The following GTF3C5 variants were observed in gnomAD, a reference collection of about 807,000 sequenced individuals.
GTF3C5 encodes the protein general transcription factor IIIC subunit 5.
GTF3C5 carries 47 observed loss-of-function variants against 61.0 expected under a neutral mutation model. That is an observed-to-expected ratio of 0.77 (90% confidence interval 0.61 to 0.98). The LOEUF (loss-of-function observed/expected upper bound fraction) is 0.98. Among genes scored for constraint, GTF3C5 ranks in the 50% least tolerant of loss-of-function variants. The probability of loss-of-function intolerance (pLI) is 0.00; values close to 1 mark genes in which losing one functional copy is unlikely to be tolerated. For synonymous variants in GTF3C5, 295 were observed against 275.4 expected, an observed-to-expected ratio of 1.07 and a Z score of -0.71; for missense variants, 659 against 703.3, an observed-to-expected ratio of 0.94 and a Z score of 0.71.
At chr9:133,036,544 T>TA (rs1256557228) in intron 1 of GTF3C5, among the ~76,000 whole-genome samples, 1 of 152,138 alleles carries the variant, frequency 6.6e-6, no homozygotes, top group African/African-American at 2.4e-5. Flanking sequence ...TAAGTACCCC[T>TA]AAAGCTACCC....
In GTF3C5 at chr9:133,050,984, T is replaced by C. The variant is rs758334730; in HGVS notation, c.768+6T>C. The C allele has an allele frequency of 8.1e-5, 129 of 1,591,070 alleles. 1 individual carries two copies. In the South Asian group the frequency reaches 1.3e-3, roughly 16 times the overall value. ...TGGAGGAGGAGCTGAGGAAGGCAAG[T>C]CCTGCGCTGCGCCTGGCCCCGGTGG... On this transcript the variant is annotated splice_donor_region_variant and intron_variant, in intron 4 of 10. Coordinates refer to ENST00000372097, the MANE Select transcript of GTF3C5 (RefSeq NM_012087.4).
chr9:133,037,965 G>A lies in GTF3C5; in HGVS notation c.154-4122G>A, dbSNP rs184839270. Among the ~76,000 whole-genome samples, 426 of 152,292 alleles carry A rather than the reference G, an allele frequency of 2.8e-3. 2 individuals are homozygous for A. Among genetic ancestry groups the A allele is most frequent in the Non-Finnish European group, 5.1e-3 (344 of 68,026 alleles). ...GAGCACACGGAACAAAGGAGGAAAGGTTCCTGTGTCTTGTCCCACTGGCTG... is the reference window on the plus strand; with the variant it reads ...GAGCACACGGAACAAAGGAGGAAAGATTCCTGTGTCTTGTCCCACTGGCTG... On this transcript the variant is annotated intron_variant, in intron 1 of 10. Transcript: ENST00000372097.
chr9:133,039,630 C>T (rs1849980655), intron 1 of GTF3C5, among the ~76,000 whole-genome samples: 1 of 152,152 alleles, frequency 6.6e-6, no homozygotes, highest in South Asian at 2.1e-4. Flanking sequence ...GTCTCGAACT[C>T]CTGGGCTCAA....
At position 133,058,212 on chromosome 9, in the gene GTF3C5, G is replaced by C. The variant is rs1829997789; in HGVS notation, c.*232G>C. ...GGACATCCCCAAAGGGTATACCCTG[G>C]CTCTGCCACCCATGAACCAGCCCAG... On this transcript the variant is annotated 3_prime_UTR_variant, in exon 11 of 11. Coordinates refer to ENST00000372097, the MANE Select transcript of GTF3C5 (RefSeq NM_012087.4). 1 of 1,286,544 alleles carries C rather than the reference G, an allele frequency of 7.8e-7. No individual in the cohort carries two copies. Among genetic ancestry groups the C allele is most frequent in the Non-Finnish European group, 9.9e-7 (1 of 1,007,180 alleles). The allele number at this position is 1,286,544 out of a possible 1,614,324, so 79.7% of individuals were successfully genotyped here. A position where few individuals can be genotyped will look rare whatever the true frequency, so the allele number is the denominator to read the frequency against.
chr9:133,035,006 GT>G (rs1849827942), intron 1 of GTF3C5, among the ~76,000 whole-genome samples: 1 of 152,176 alleles, frequency 6.6e-6, no homozygotes, highest in African/African-American at 2.4e-5. Context: ...ATTTGGTTAA[GT>G]GACTCTTCAG....
rs773392068 is a variant in GTF3C5 at position 133,054,734 on chromosome 9, T to C, written c.1092T>C (p.His364=). The change falls in exon 8 of 11, where the codon CAT becomes CAC. Residue 364 remains histidine, a synonymous_variant. Coordinates refer to ENST00000372097, the MANE Select transcript of GTF3C5 (RefSeq NM_012087.4). ...CAGCCAGCCAGCTTGTCACCATGCA[T>C]GACCTGAAGCAGGGCCTGGGCCCGT... The part of the protein sequence containing the change: ...KKTSSQLVTM[H]DLKQGLGPSG... 1.3e-5 allele frequency: 21 copies of C among 1,578,424 alleles called. No individual in the cohort carries two copies. The highest frequency in any genetic ancestry group is 1.8e-5 in the Non-Finnish European group (21 of 1,162,174).
chr9:133,038,992 C>T (rs919383054), intron 1 of GTF3C5, among the ~76,000 whole-genome samples: 5 of 152,194 alleles, frequency 3.3e-5, no homozygotes, highest in African/African-American at 1.2e-4. Flanking sequence ...CTGCCACGTA[C>T]GGCTCTAGGT....
At chr9:133,034,561 T>C (rs1237585750) in intron 1 of GTF3C5, among the ~76,000 whole-genome samples, 1 of 152,202 alleles carries the variant, frequency 6.6e-6, no homozygotes, top group East Asian at 1.9e-4. Flanking sequence ...CATTTTTCCC[T>C]GTCTGTGGAC....
intron 1 of GTF3C5, among the ~76,000 whole-genome samples, chr9:133,032,404 AG>A: frequency 6.6e-6 from 1 of 152,262 alleles, no homozygotes; most frequent in East Asian, 1.9e-4. Context: ...TTCGGCGGGA[AG>A]GGCAGTTAAA....
rs1481511616 is a variant in GTF3C5 at position 133,056,038 on chromosome 9, G to A, written c.1194G>A (p.Gly398=). ...ACTCTGTCTACATCTTCCGGGAAGG[G>A]GCCTTGCCACCCTATCGGCAGATGT... ...LKDSVYIFRE[G]ALPPYRQMFY... The change falls in exon 9 of 11, where the codon GGG becomes GGA. Residue 398 remains glycine, a synonymous_variant. Coordinates refer to ENST00000372097, the MANE Select transcript of GTF3C5 (RefSeq NM_012087.4). The A allele has an allele frequency of 6.2e-7, 1 of 1,614,010 alleles. No homozygotes were observed. The highest frequency in any genetic ancestry group is 1.7e-5 in the Admixed American group (1 of 60,004).
chr9:133,048,581 A>G (rs575401439), intron 3 of GTF3C5, among the ~76,000 whole-genome samples: 2 of 152,336 alleles, frequency 1.3e-5, no homozygotes, highest in Non-Finnish European at 2.9e-5. Context: ...AGGCAGGAGA[A>G]TCGCTTGAAC....
chr9:133,057,552 C>T (rs983924807), intron 10 of GTF3C5, among the ~76,000 whole-genome samples: 3 of 152,160 alleles, frequency 2.0e-5, no homozygotes, highest in African/African-American at 7.2e-5. Context: ...GACCCTTTCC[C>T]AGAGAAAATG....
chr9:133,042,309 A>G lies in GTF3C5; in HGVS notation c.373+3A>G. ...CTCCACCATTTACAAATTTCAGGGTAACTGAAATCTGCTCTTGCAATGTCT... is the reference window on the plus strand; with the variant it reads ...CTCCACCATTTACAAATTTCAGGGTGACTGAAATCTGCTCTTGCAATGTCT... On this transcript the variant is annotated splice_donor_region_variant and intron_variant, in intron 2 of 10. Transcript: ENST00000372097. 2 of 1,560,636 alleles carry G rather than the reference A, an allele frequency of 1.3e-6. No individual in the cohort carries two copies. Among genetic ancestry groups the G allele is most frequent in the Non-Finnish European group, 1.8e-6 (2 of 1,131,034 alleles).
Position 133,054,750 on chromosome 9 carries a change from C to G in GTF3C5, c.1108C>G (p.Leu370Val), listed in dbSNP as rs747275086. The G allele has an allele frequency of 2.5e-6, 4 of 1,584,574 alleles. No individual in the cohort carries two copies. The African/African-American group carries it at 5.4e-5, about 21-fold the overall frequency. Residue 370 changes from leucine (L) to valine (V), a missense_variant, in exon 8 of 11, where the codon CTG (leucine) becomes GTG (valine). Physicochemically the swap from Leu to Val is conservative, Grantham distance 32. Coordinates refer to ENST00000372097, the MANE Select transcript of GTF3C5 (RefSeq NM_012087.4). ...LVTMHDLKQG[L>V]GPSGTSGARK... Reference sequence around the variant, plus strand: ...CACCATGCATGACCTGAAGCAGGGCCTGGGCCCGTCGGGGACGAGTGGTGC... The same window carrying G: ...CACCATGCATGACCTGAAGCAGGGCGTGGGCCCGTCGGGGACGAGTGGTGC...
At chr9:133,036,075 T>C (rs1849852577) in intron 1 of GTF3C5, among the ~76,000 whole-genome samples, 2 of 152,172 alleles carry the variant, frequency 1.3e-5, no homozygotes, top group Admixed American at 1.3e-4. Flanking sequence ...GGCTTCCCCA[T>C]AGACTACTGA....
intron 1 of GTF3C5, among the ~76,000 whole-genome samples, chr9:133,031,994 AAG>A: frequency 6.6e-6 from 1 of 152,244 alleles, no homozygotes. Flanking sequence ...ATGGAGAACA[AAG>A]AACAGGGAAG....
intron 4 of GTF3C5, among the ~76,000 whole-genome samples, chr9:133,051,681 TG>T (rs1434560427): frequency 2.0e-5 from 3 of 152,184 alleles, no homozygotes; most frequent in African/African-American, 7.2e-5. Context: ...CCTTCAGCCC[TG>T]ACGATGTCCC....
In GTF3C5 at chr9:133,042,200, G is replaced by T; in HGVS notation, c.267G>T (p.Arg89Ser). 1 of 1,613,998 alleles carries T rather than the reference G, an allele frequency of 6.2e-7. No homozygotes were observed. Among genetic ancestry groups the T allele is most frequent in the Non-Finnish European group, 8.5e-7 (1 of 1,179,818 alleles). The change falls in exon 2 of 11, where the codon AGG (arginine) becomes AGT (serine). Residue 89 changes from arginine (R) to serine (S), a missense_variant. By Grantham distance (110) the Arg-to-Ser change is moderately radical. Transcript: ENST00000372097. The part of the protein sequence containing the change: ...FSTSSLLLRI[R>S]KRTRRQKGVL... ...CCAGCAGCCTGCTGCTCCGCATCAGGAAGAGAACGAGGCGGCAGAAAGGGG... is the reference window on the plus strand; with the variant it reads ...CCAGCAGCCTGCTGCTCCGCATCAGTAAGAGAACGAGGCGGCAGAAAGGGG...
intron 10 of GTF3C5, among the ~76,000 whole-genome samples, chr9:133,057,585 A>C (rs565176127): frequency 1.2e-4 from 19 of 152,300 alleles, no homozygotes; most frequent in African/African-American, 3.8e-4. Context: ...CTGAGGGTCC[A>C]TGGGCCCTTG....
Sources: gnomAD v4.1 joint callset for allele counts (sites outside exome capture counted in the v4.1 genomes callset) on GRCh38, gnomAD v4.1.1 for gene constraint, MANE v1.5 for transcripts, NCBI Gene and HGNC (gene_info 2026-07-23, HGNC 2026-07-21) for gene names.